The following ADAMTS17 variants were observed in gnomAD, a reference collection of about 807,000 sequenced individuals.
ADAMTS17 encodes the protein ADAM metallopeptidase with thrombospondin type 1 motif 17, also known as A disintegrin and metalloproteinase with thrombospondin motifs 17.
A neutral mutation model predicts 141.5 loss-of-function variants in ADAMTS17; 113 were observed. That is an observed-to-expected ratio of 0.80 (90% CI 0.69 to 0.93). ADAMTS17 has a LOEUF of 0.93. ADAMTS17 is among the 40% of genes least tolerant of loss of function. The probability of loss-of-function intolerance (pLI) is 0.00; values close to 1 mark genes in which losing one functional copy is unlikely to be tolerated. For missense variants in ADAMTS17, 1,659 were observed against 1,517.9 expected, an observed-to-expected ratio of 1.09 and a Z score of -1.54; for synonymous variants, 768 against 630.6, an observed-to-expected ratio of 1.22 and a Z score of -3.27.
chr15:100,165,374 T>C (rs965463160), intron 8 of ADAMTS17, among the ~76,000 whole-genome samples: 1 of 152,172 alleles, frequency 6.6e-6, no homozygotes, highest in Non-Finnish European at 1.5e-5. Context: ...GGACAGAGGA[T>C]ACCCACAGCG....
intron 18 of ADAMTS17, among the ~76,000 whole-genome samples, chr15:100,028,535 A>C (rs757341452): frequency 3.3e-5 from 5 of 152,254 alleles, no homozygotes; most frequent in Non-Finnish European, 7.3e-5. Flanking sequence ...CAGTGATCAT[A>C]AAAATGACAA....
chr15:100,341,075 G>A lies in ADAMTS17; in HGVS notation c.414C>T (p.Leu138=). 2.6e-6 allele frequency: 4 copies of A among 1,522,518 alleles called. No homozygotes were observed. Among genetic ancestry groups the A allele is most frequent in the Non-Finnish European group, 2.6e-6 (3 of 1,140,320 alleles). The allele number at this position is 1,522,518 out of a possible 1,614,324, so 94.3% of individuals were successfully genotyped here. A position where few individuals can be genotyped will look rare whatever the true frequency, so the allele number is the denominator to read the frequency against. Residue 138 remains leucine, a synonymous_variant, in exon 2 of 22, where the codon CTC becomes CTT. Transcript: ENST00000268070. ...SGRVLGHPGS[L]VSLSACGAAG... ...CGGCGCCGCAGGCGCTGAGCGAGACGAGGGAGCCGGGGTGGCCGAGCACAC... is the reference window on the plus strand; with the variant it reads ...CGGCGCCGCAGGCGCTGAGCGAGACAAGGGAGCCGGGGTGGCCGAGCACAC...
chr15:100,264,088 C>G (rs1449887205), intron 4 of ADAMTS17, among the ~76,000 whole-genome samples: 1 of 152,232 alleles, frequency 6.6e-6, no homozygotes, highest in Non-Finnish European at 1.5e-5. Context: ...ACGTAATATT[C>G]TTTCACACAA....
intron 3 of ADAMTS17, among the ~76,000 whole-genome samples, chr15:100,302,076 C>T (rs1450269441): frequency 1.3e-5 from 2 of 152,196 alleles, no homozygotes; most frequent in African/African-American, 4.8e-5. Context: ...CCATTTTCCT[C>T]TGTCCTTCCC....
chr15:100,335,185 G>A (rs2587837), intron 2 of ADAMTS17, among the ~76,000 whole-genome samples: 15,894 of 152,130 alleles, frequency 0.1, 1,013 homozygotes, highest in Non-Finnish European at 0.14. Flanking sequence ...GGGCCCTCCA[G>A]GGGACTGTAA....
Position 100,210,230 on chromosome 15 carries a change from C to CAAAAAA in ADAMTS17, c.1076-10813_1076-10808dup, listed in dbSNP as rs34086690. On this transcript the variant is annotated intron_variant, in intron 7 of 21. Transcript: ENST00000268070. ...TGGGAGACAAAGCGAGACTCCATCTCAAAAAAAAAAAAAAAAAAAAAAAAA... is the reference window on the plus strand; with the variant it reads ...TGGGAGACAAAGCGAGACTCCATCTCAAAAAAAAAAAAAAAAAAAAAAAAAAAAAAA... 3.2e-4 allele frequency among the ~76,000 whole-genome samples: 10 copies of CAAAAAA among 31,214 alleles called. No individual in the cohort carries two copies. In the East Asian group the frequency reaches 3.7e-3, roughly 12 times the overall value. 20.5% of individuals were successfully genotyped at this position (31,214 alleles called of 152,430 possible). A position where few individuals can be genotyped will look rare whatever the true frequency, so the allele number is the denominator to read the frequency against.
At chr15:100,040,694 AC>A in intron 18 of ADAMTS17, among the ~76,000 whole-genome samples, 1 of 151,684 alleles carries the variant, frequency 6.6e-6, no homozygotes, top group Non-Finnish European at 1.5e-5. Flanking sequence ...AAAAAAAAAA[AC>A]CTCTGAAAAT....
At chr15:100,105,823 G>A (rs149806248) in intron 14 of ADAMTS17, among the ~76,000 whole-genome samples, 2,913 of 152,080 alleles carry the variant, frequency 0.019, 38 homozygotes, top group Non-Finnish European at 0.029. Flanking sequence ...GAGTAGCTGG[G>A]ATTACAGGCA....
intron 7 of ADAMTS17, among the ~76,000 whole-genome samples, chr15:100,234,848 C>T (rs1457306745): frequency 7.2e-5 from 11 of 152,196 alleles, no homozygotes; most frequent in Admixed American, 5.9e-4. Context: ...GCCCCCTCCA[C>T]AGCCTATGCA....
At chr15:100,069,510 A>T (rs1313887679) in intron 15 of ADAMTS17, among the ~76,000 whole-genome samples, 1 of 152,224 alleles carries the variant, frequency 6.6e-6, no homozygotes, top group Non-Finnish European at 1.5e-5. Context: ...CAGGTTACCC[A>T]CAAAGGGAAG....
At chr15:100,183,950 T>C (rs2040614245) in intron 8 of ADAMTS17, among the ~76,000 whole-genome samples, 1 of 152,174 alleles carries the variant, frequency 6.6e-6, no homozygotes, top group African/African-American at 2.4e-5. Flanking sequence ...CCTGTGTTAC[T>C]GGGTGTCGCT....
chr15:100,090,784 G>T (rs1053124794), intron 15 of ADAMTS17, among the ~76,000 whole-genome samples: 13 of 152,048 alleles, frequency 8.5e-5, no homozygotes, highest in African/African-American at 3.1e-4. Flanking sequence ...GAGGCGGGTG[G>T]ATCATGAGGT....
intron 8 of ADAMTS17, among the ~76,000 whole-genome samples, chr15:100,185,077 G>A (rs939145254): frequency 6.6e-6 from 1 of 152,202 alleles, no homozygotes; most frequent in Non-Finnish European, 1.5e-5. Context: ...CAATCTGAAA[G>A]CGCTACAGTC....
chr15:100,319,321 A>C (rs1451494719), intron 3 of ADAMTS17, among the ~76,000 whole-genome samples: 1 of 152,220 alleles, frequency 6.6e-6, no homozygotes. Flanking sequence ...TTCCCAGGGA[A>C]GCAGGGCAGG....
intron 11 of ADAMTS17, among the ~76,000 whole-genome samples, chr15:100,133,009 A>G (rs1051525431): frequency 6.6e-6 from 1 of 152,218 alleles, no homozygotes; most frequent in Non-Finnish European, 1.5e-5. Context: ...TATTAAGTAA[A>G]TGATACTTGT....
At chr15:100,258,798 C>T (rs917214931) in intron 6 of ADAMTS17, among the ~76,000 whole-genome samples, 2 of 152,094 alleles carry the variant, frequency 1.3e-5, no homozygotes, top group African/African-American at 2.4e-5. Context: ...AAAATATTTC[C>T]TTTGTGGTAA....
intron 12 of ADAMTS17, among the ~76,000 whole-genome samples, chr15:100,122,322 G>A (rs114673811): frequency 0.021 from 3,201 of 152,248 alleles, 102 homozygotes; most frequent in African/African-American, 0.063. Context: ...ATTTTCTTCA[G>A]TTTTAAGTCA....
chr15:99,998,702 G>T (rs1390144437), intron 18 of ADAMTS17, among the ~76,000 whole-genome samples: 1 of 152,222 alleles, frequency 6.6e-6, no homozygotes, highest in African/African-American at 2.4e-5. Flanking sequence ...GCGCTGGAAA[G>T]CAGCTGAGCA....
chr15:100,291,814 G>A (rs1285793333), intron 3 of ADAMTS17, among the ~76,000 whole-genome samples: 1 of 152,100 alleles, frequency 6.6e-6, no homozygotes, highest in African/African-American at 2.4e-5. Flanking sequence ...ACAAAGAAGT[G>A]AACGACCTAT....
Sources: allele counts gnomAD v4.1 joint callset (sites outside exome capture counted in the v4.1 genomes callset), GRCh38; gene constraint gnomAD v4.1.1; transcripts MANE v1.5; gene names NCBI Gene and HGNC (gene_info 2026-07-23, HGNC 2026-07-21).